The following LMBRD2 variants were observed in gnomAD, a reference collection of about 807,000 sequenced individuals.
LMBRD2 encodes the protein G protein-coupled receptor-associated protein LMBRD2.
In LMBRD2, 55 loss-of-function variants were observed where a neutral mutation model predicts 94.4. That is an observed-to-expected ratio of 0.58 (90% CI 0.47 to 0.73). LMBRD2 has a LOEUF of 0.73. LMBRD2 is among the 30% of genes least tolerant of loss of function. The pLI, the probability that LMBRD2 is intolerant of heterozygous loss-of-function variation, is 0.00. For synonymous variants in LMBRD2, 246 were observed against 272.4 expected, an observed-to-expected ratio of 0.90 and a Z score of 0.95; for missense variants, 640 against 831.9, an observed-to-expected ratio of 0.77 and a Z score of 2.84.
At chr5:36,146,559 TAG>T (rs1327165022) in intron 1 of LMBRD2, among the ~76,000 whole-genome samples, 1 of 152,102 alleles carries the variant, frequency 6.6e-6, no homozygotes, top group Non-Finnish European at 1.5e-5. Flanking sequence ...ATTTTTTTTG[TAG>T]AGACAGGGTC....
intron 16 of LMBRD2, 49 bp from the exon 17 acceptor site, chr5:36,105,246 T>C (rs1206238176): frequency 6.3e-7 from 1 of 1,579,420 alleles, no homozygotes; most frequent in Non-Finnish European, 8.7e-7. Flanking sequence ...TCTTTTAACT[T>C]ATGGGTCACA....
intron 6 of LMBRD2, among the ~76,000 whole-genome samples, chr5:36,134,539 G>C (rs1744224526): frequency 6.6e-6 from 1 of 152,024 alleles, no homozygotes; most frequent in South Asian, 2.1e-4. Flanking sequence ...CAATATGACT[G>C]GTGTCCTTAC....
At chr5:36,127,256 A>G (rs116322251) in intron 6 of LMBRD2, among the ~76,000 whole-genome samples, 1,532 of 152,336 alleles carry the variant, frequency 0.01, 23 homozygotes, top group African/African-American at 0.035. Context: ...AGAAAAGCAG[A>G]AAGAATCCCA....
At chr5:36,150,341 C>G (rs569302032) in intron 1 of LMBRD2, among the ~76,000 whole-genome samples, 2 of 152,104 alleles carry the variant, frequency 1.3e-5, no homozygotes, top group African/African-American at 2.4e-5. Flanking sequence ...TCGATTAAAC[C>G]TTCCTATCTA....
At position 36,104,083 on chromosome 5, in the gene LMBRD2, A is replaced by C. The variant is rs146691814; in HGVS notation, c.2051T>G (p.Leu684Arg). The C allele has an allele frequency of 1.1e-5, 17 of 1,610,732 alleles. No individual in the cohort carries two copies. The African/African-American group carries it at 2.1e-4, about 20-fold the overall frequency. ...SGRYQPGGRYLSMSRSDIFND... is the reference protein window; with the variant it reads ...SGRYQPGGRYRSMSRSDIFND... Reference sequence around the variant, plus strand: ...AAATATGTCACTGCGAGACATCGAGAGATATCGTCCACCAGGCTGATACCT... The same window carrying C: ...AAATATGTCACTGCGAGACATCGAGCGATATCGTCCACCAGGCTGATACCT... Residue 684 changes from leucine (L) to arginine (R), a missense_variant, in exon 18 of 18, where the codon CTC (leucine) becomes CGC (arginine). Physicochemically the swap from Leu to Arg is moderately radical, Grantham distance 102 (BLOSUM62 -2). Transcript: ENST00000296603.
intron 4 of LMBRD2, among the ~76,000 whole-genome samples, chr5:36,140,700 A>T (rs999377586): frequency 6.6e-6 from 1 of 152,194 alleles, no homozygotes; most frequent in Non-Finnish European, 1.5e-5. Context: ...AGGGAGCACA[A>T]GAGAGAAAGC....
intron 1 of LMBRD2, among the ~76,000 whole-genome samples, chr5:36,146,678 A>G (rs755150828): frequency 6.6e-6 from 1 of 152,184 alleles, no homozygotes; most frequent in Non-Finnish European, 1.5e-5. Context: ...AGCCAAGCCA[A>G]AACTCAGTTC....
At chr5:36,119,453 T>C (rs1743836186) in intron 9 of LMBRD2, among the ~76,000 whole-genome samples, 1 of 152,178 alleles carries the variant, frequency 6.6e-6, no homozygotes, top group Non-Finnish European at 1.5e-5. Context: ...TCCTTCCTCA[T>C]GCAGCTCAGA....
chr5:36,113,593 T>G (rs1743668164), intron 13 of LMBRD2, among the ~76,000 whole-genome samples: 1 of 152,212 alleles, frequency 6.6e-6, no homozygotes, highest in African/African-American at 2.4e-5. Context: ...TACTCATTAC[T>G]GTAATGTTAG....
chr5:36,117,654 T>C, intron 10 of LMBRD2, 81 bp downstream of exon 10: 1 of 1,009,602 alleles, frequency 9.9e-7, no homozygotes, highest in Non-Finnish European at 1.4e-6. Flanking sequence ...TCATTTTTAC[T>C]AGAAGAAATA....
intron 7 of LMBRD2, among the ~76,000 whole-genome samples, chr5:36,123,539 T>G (rs1743935401): frequency 6.6e-6 from 1 of 152,026 alleles, no homozygotes; most frequent in African/African-American, 2.4e-5. Flanking sequence ...CAAGAATCAG[T>G]ATAACAGATT....
intron 9 of LMBRD2, among the ~76,000 whole-genome samples, chr5:36,120,654 C>T (rs1743868524): frequency 6.6e-6 from 1 of 152,112 alleles, no homozygotes; most frequent in Admixed American, 6.5e-5. Flanking sequence ...TCTCTGTTCC[C>T]TTTTATAAGG....
At chr5:36,122,061 T>C (rs1743898717) in intron 9 of LMBRD2, among the ~76,000 whole-genome samples, 1 of 152,190 alleles carries the variant, frequency 6.6e-6, no homozygotes, top group South Asian at 2.1e-4. Flanking sequence ...TTTAATAGAA[T>C]TTTTATTATT....
intron 1 of LMBRD2, among the ~76,000 whole-genome samples, chr5:36,150,995 G>A (rs1744689114): frequency 6.6e-6 from 1 of 152,124 alleles, no homozygotes; most frequent in African/African-American, 2.4e-5. Context: ...TTTTTATGAG[G>A]CTTAGAATTC....
intron 6 of LMBRD2, among the ~76,000 whole-genome samples, chr5:36,135,645 A>AT (rs1744253234): frequency 6.6e-6 from 1 of 152,174 alleles, no homozygotes; most frequent in African/African-American, 2.4e-5. Flanking sequence ...GCTGAGTAGC[A>AT]TATTTTCCCT....
rs1743368994 is a variant in LMBRD2 at position 36,102,577 on chromosome 5, C to T, written c.*1469G>A. 6.6e-6 allele frequency: 1 copy of T among 151,294 alleles called. No homozygotes were observed. Among genetic ancestry groups the T allele is most frequent in the African/African-American group, 2.4e-5 (1 of 41,206 alleles). 9.4% of individuals were successfully genotyped at this position (151,294 alleles called of 1,614,324 possible). A position where few individuals can be genotyped will look rare whatever the true frequency, so the allele number is the denominator to read the frequency against. ...GCAAAGATCATAAAAACTCAAAGAT[C>T]AAAATTTTCAGATAATGAGGATGAT... On this transcript the variant is annotated 3_prime_UTR_variant, in exon 18 of 18. Transcript: ENST00000296603.
intron 2 of LMBRD2, 68 bp downstream of exon 2, chr5:36,143,108 A>G (rs1744457382): frequency 9.5e-7 from 1 of 1,049,072 alleles, no homozygotes; most frequent in Non-Finnish European, 1.4e-6. Context: ...AAGAAATAAC[A>G]TTATTTCCAA....
At chr5:36,144,903 C>G (rs1744501867) in intron 1 of LMBRD2, among the ~76,000 whole-genome samples, 1 of 152,076 alleles carries the variant, frequency 6.6e-6, no homozygotes, top group Non-Finnish European at 1.5e-5. Flanking sequence ...TATTGGTAAA[C>G]AGTTTCCATT....
At chr5:36,140,242 C>T (rs1166623419) in intron 4 of LMBRD2, among the ~76,000 whole-genome samples, 3 of 152,232 alleles carry the variant, frequency 2.0e-5, no homozygotes, top group African/African-American at 7.2e-5. Context: ...GAGCTGCCCA[C>T]CCTGCCACAG....
Sources: gnomAD v4.1 joint callset for allele counts (sites outside exome capture counted in the v4.1 genomes callset) on GRCh38, gnomAD v4.1.1 for gene constraint, MANE v1.5 for transcripts, NCBI Gene and HGNC (gene_info 2026-07-23, HGNC 2026-07-21) for gene names.